The following UNC13B variants were observed in gnomAD, a reference collection of about 807,000 sequenced individuals.
The protein encoded by UNC13B is protein unc-13 homolog B.
In UNC13B, 144 loss-of-function variants were observed where a neutral mutation model predicts 211.0. The ratio of observed to expected loss-of-function variants is 0.68; its 90% CI spans 0.60 to 0.78. The LOEUF (loss-of-function observed/expected upper bound fraction) is 0.78. Ranked by LOEUF, UNC13B falls within the 30% of genes least tolerant of loss-of-function variation. The pLI, the probability that UNC13B is intolerant of heterozygous loss-of-function variation, is 0.00. For missense variants in UNC13B, 1,777 were observed against 2,002.0 expected (o/e 0.89, Z 2.14); for synonymous variants, 709 against 725.8 (o/e 0.98, Z 0.37).
At chr9:35,294,502 C>T (rs1829254456) in intron 7 of UNC13B, among the ~76,000 whole-genome samples, 1 of 152,130 alleles carries the variant, frequency 6.6e-6, no homozygotes, top group South Asian at 2.1e-4. Flanking sequence ...GATGGGGTTC[C>T]ACCATGTTGG....
chr9:35,357,577 TG>T (rs1388720772), intron 11 of UNC13B, among the ~76,000 whole-genome samples: 61 of 150,382 alleles, frequency 4.1e-4, no homozygotes, highest in East Asian at 7.7e-4. Flanking sequence ...ATTTTTTTAT[TG>T]TTTTTTTTTT....
chr9:35,170,610 A>G (rs1179244494), intron 1 of UNC13B, among the ~76,000 whole-genome samples: 2 of 151,730 alleles, frequency 1.3e-5, no homozygotes, highest in African/African-American at 4.8e-5. Flanking sequence ...CTGGGACTAC[A>G]GGTGTGAACT....
intron 7 of UNC13B, among the ~76,000 whole-genome samples, chr9:35,293,360 T>C (rs922830840): frequency 6.6e-6 from 1 of 152,214 alleles, no homozygotes; most frequent in African/African-American, 2.4e-5. Flanking sequence ...TGGATTTGGG[T>C]TGTGGGCTTC....
chr9:35,174,818 C>A (rs1028050722), intron 1 of UNC13B, among the ~76,000 whole-genome samples: 1 of 152,120 alleles, frequency 6.6e-6, no homozygotes, highest in Non-Finnish European at 1.5e-5. Flanking sequence ...AATCTCCTGA[C>A]CTCGTGATCT....
intron 1 of UNC13B, among the ~76,000 whole-genome samples, chr9:35,212,466 A>G (rs1355669587): frequency 6.6e-6 from 1 of 152,192 alleles, no homozygotes. Context: ...CCAGCCACTC[A>G]GGAGGCTAAG....
In UNC13B at chr9:35,396,457, C is replaced by A. The variant is rs201897863; in HGVS notation, c.11309-19C>A. The A allele has an allele frequency of 9.4e-5, 151 of 1,613,894 alleles. No homozygotes were observed. The highest frequency in any genetic ancestry group is 7.1e-4 in the East Asian group (32 of 44,870). On this transcript the variant is annotated intron_variant, in intron 26 of 39. Coordinates refer to ENST00000635942, the MANE Select transcript of UNC13B (RefSeq NM_001371189.2). ...CCTCTACTGCTGGGACCTGACCCAA[C>A]CTTTCTCCCTACCACTAGAGCATGA...
At position 35,397,686 on chromosome 9, in the gene UNC13B, C is replaced by A. The variant is rs748983619; in HGVS notation, c.11728C>A (p.Pro3910Thr). The change falls in exon 30 of 40, where the codon CCA becomes ACA. Residue 3910 changes from proline (P) to threonine (T), a missense_variant. Transcript: ENST00000635942. ...QYADILSKDF[P>T]AYCTKEKLPC... ...TGCAGACATCTTGTCAAAGGACTTC[C>A]CAGCCTATTGCACAAAGGAGAAACT... 10 of 1,613,988 alleles carry A rather than the reference C, an allele frequency of 6.2e-6. No individual in the cohort carries two copies. The South Asian group carries it at 9.9e-5, about 16-fold the overall frequency.
intron 6 of UNC13B, among the ~76,000 whole-genome samples, chr9:35,255,720 A>G (rs752687392): frequency 6.6e-6 from 1 of 152,014 alleles, no homozygotes; most frequent in East Asian, 1.9e-4. Context: ...TATCTCAAGC[A>G]CGGATCTTAG....
At chr9:35,162,499 G>A (rs1820834860) in intron 1 of UNC13B, among the ~76,000 whole-genome samples, 194 bp downstream of exon 1, 1 of 152,186 alleles carries the variant, frequency 6.6e-6, no homozygotes, top group African/African-American at 2.4e-5. Flanking sequence ...CTCCTGCAAG[G>A]GACGATTAGC....
chr9:35,200,003 G>A (rs188303534), intron 1 of UNC13B, among the ~76,000 whole-genome samples: 19 of 152,250 alleles, frequency 1.2e-4, no homozygotes, highest in Admixed American at 6.5e-4. Context: ...CATCCATCTC[G>A]AATTAATTTT....
At position 35,382,338 on chromosome 9, in the gene UNC13B, C is replaced by T. The variant is rs375027463; in HGVS notation, c.10656-19C>T. ...AAGCCCTGAAGAGTCTTTGAGGCTG[C>T]GGGTGCTGTGTTTTTCAGGCACTTT... On this transcript the variant is annotated intron_variant, in intron 20 of 39. Transcript: ENST00000635942. 2.4e-4 allele frequency: 386 copies of T among 1,605,340 alleles called. No individual in the cohort carries two copies. The highest frequency in any genetic ancestry group is 9.7e-4 in the Admixed American group (57 of 58,580).
chr9:35,258,317 C>T (rs989312835), intron 6 of UNC13B, among the ~76,000 whole-genome samples: 2 of 152,156 alleles, frequency 1.3e-5, no homozygotes, highest in African/African-American at 4.8e-5. Context: ...TTGTTTGTGC[C>T]TTTCTCTTTC....
chr9:35,380,963 C>G, intron 18 of UNC13B, 137 bp from the exon 19 acceptor site: 1 of 768,906 alleles, frequency 1.3e-6, no homozygotes, highest in Non-Finnish European at 2.1e-6. Flanking sequence ...AGTGATTCAC[C>G]CTATTTGGTG....
At chr9:35,357,603 A>G (rs1229087657) in intron 11 of UNC13B, among the ~76,000 whole-genome samples, 1 of 109,718 alleles carries the variant, frequency 9.1e-6, no homozygotes, top group Non-Finnish European at 1.9e-5. Context: ...TTTAAATTCT[A>G]TTGGCCAGGT....
intron 37 of UNC13B, among the ~76,000 whole-genome samples, chr9:35,401,033 A>T (rs143829902): frequency 1.3e-5 from 2 of 152,274 alleles, no homozygotes; most frequent in Non-Finnish European, 2.9e-5. Context: ...CAGTCCTCAG[A>T]ACCCCTCCCT....
At chr9:35,285,862 T>TTAA (rs1828761669) in intron 7 of UNC13B, among the ~76,000 whole-genome samples, 1 of 152,084 alleles carries the variant, frequency 6.6e-6, no homozygotes, top group Non-Finnish European at 1.5e-5. Context: ...AACTACTAAG[T>TTAA]TTGTTGACTG....
intron 1 of UNC13B, among the ~76,000 whole-genome samples, chr9:35,166,587 CTT>C (rs1406489089): frequency 2.0e-5 from 3 of 151,960 alleles, no homozygotes; most frequent in Non-Finnish European, 4.4e-5. Context: ...AAGTGACTGT[CTT>C]TTCTCAGCAT....
chr9:35,371,137 TTC>T (rs1323432775), intron 13 of UNC13B, among the ~76,000 whole-genome samples: 4 of 152,142 alleles, frequency 2.6e-5, no homozygotes, highest in African/African-American at 9.7e-5. Context: ...TATTACCATT[TTC>T]TGTTTCTGTT....
At chr9:35,312,251 G>A (rs117602095) in intron 10 of UNC13B, among the ~76,000 whole-genome samples, 4,526 of 152,330 alleles carry the variant, frequency 0.03, 126 homozygotes, top group South Asian at 0.12. Context: ...AAAAATTAGG[G>A]AGTGACTGGT....
Sources: gnomAD v4.1 joint callset for allele counts (sites outside exome capture counted in the v4.1 genomes callset) on GRCh38, gnomAD v4.1.1 for gene constraint, MANE v1.5 for transcripts, NCBI Gene and HGNC (gene_info 2026-07-23, HGNC 2026-07-21) for gene names.